TMEM30A: variants seen among roughly 807,000 people sequenced by gnomAD.
TMEM30A encodes the protein cell cycle control protein 50A.
In TMEM30A, 24 loss-of-function variants were observed where a neutral mutation model predicts 38.2. That is an observed-to-expected ratio of 0.63 (90% CI 0.46 to 0.88). The LOEUF is 0.88. TMEM30A is among the 40% of genes least tolerant of loss of function. TMEM30A has a pLI of 0.00. For synonymous variants in TMEM30A, 145 were observed against 161.6 expected (o/e 0.90, Z 0.78); for missense variants, 370 against 458.6 (o/e 0.81, Z 1.77).
chr6:75,265,671 C>A (rs1361671054), intron 2 of TMEM30A, among the ~76,000 whole-genome samples: 2 of 152,168 alleles, frequency 1.3e-5, no homozygotes, highest in Admixed American at 1.3e-4. Flanking sequence ...TCAAACTGGT[C>A]TTCACCCAGT....
intron 1 of TMEM30A, among the ~76,000 whole-genome samples, chr6:75,268,744 T>TGA (rs1772114025): frequency 1.3e-5 from 2 of 152,094 alleles, no homozygotes. Context: ...GGCGAGGTAG[T>TGA]GAGAATGGTC....
intron 1 of TMEM30A, among the ~76,000 whole-genome samples, chr6:75,269,647 G>C (rs1772133138): frequency 6.6e-6 from 1 of 152,148 alleles, no homozygotes; most frequent in Non-Finnish European, 1.5e-5. Context: ...CAACCCACTT[G>C]GCTAAATACA....
intron 1 of TMEM30A, among the ~76,000 whole-genome samples, chr6:75,275,554 T>A (rs373143212): frequency 1.3e-5 from 2 of 152,198 alleles, no homozygotes; most frequent in Admixed American, 1.3e-4. Flanking sequence ...TCCTTCCAGC[T>A]ACAAATCAAA....
chr6:75,267,380 T>A (rs1345925245), intron 2 of TMEM30A, among the ~76,000 whole-genome samples: 1 of 152,196 alleles, frequency 6.6e-6, no homozygotes, highest in Non-Finnish European at 1.5e-5. Flanking sequence ...GTCATAACAT[T>A]ATCTGTTGAA....
intron 1 of TMEM30A, among the ~76,000 whole-genome samples, chr6:75,275,560 T>C (rs240405): frequency 0.92 from 140,345 of 152,248 alleles, 64,839 homozygotes; most frequent in East Asian, 0.98. Context: ...CAGCTACAAA[T>C]CAAAATATCT....
intron 1 of TMEM30A, among the ~76,000 whole-genome samples, chr6:75,281,696 T>A (rs556670383): frequency 3.3e-5 from 5 of 152,284 alleles, no homozygotes; most frequent in African/African-American, 1.2e-4. Context: ...TTAAGCTATA[T>A]TAAAAAAGCA....
At chr6:75,284,174 G>A in intron 1 of TMEM30A, 1 of 597,508 alleles carries the variant, frequency 1.7e-6, no homozygotes, top group Non-Finnish European at 3.0e-6. Flanking sequence ...TCATTCCGTG[G>A]ATTTGCTCTT....
At chr6:75,276,489 T>C (rs1156471986) in intron 1 of TMEM30A, among the ~76,000 whole-genome samples, 2 of 152,194 alleles carry the variant, frequency 1.3e-5, no homozygotes, top group African/African-American at 4.8e-5. Context: ...AACGAAATTA[T>C]AGGACACCCA....
At chr6:75,258,719 A>C in intron 6 of TMEM30A, 61 bp downstream of exon 6, 2 of 1,446,354 alleles carry the variant, frequency 1.4e-6, no homozygotes, top group Non-Finnish European at 1.9e-6. Context: ...TAACAGATAT[A>C]AGGTTGGACT....
chr6:75,269,704 CT>C (rs796656364), intron 1 of TMEM30A, among the ~76,000 whole-genome samples: 4 of 149,116 alleles, frequency 2.7e-5, no homozygotes, highest in Admixed American at 1.3e-4. Flanking sequence ...TTTGCTTTTT[CT>C]TTTTTTTTTG....
chr6:75,255,923 G>A lies in TMEM30A; in HGVS notation c.*179C>T, dbSNP rs1277984665. ...CAATATAGCTAATTTTTTTATACCC[G>A]TCATATATTTTTAGAAGTCATCCGT... On this transcript the variant is annotated 3_prime_UTR_variant, in exon 7 of 7. Coordinates refer to ENST00000230461, the MANE Select transcript of TMEM30A (RefSeq NM_018247.4). 9.9e-6 allele frequency: 5 copies of A among 506,928 alleles called. No homozygotes were observed. The highest frequency in any genetic ancestry group is 3.1e-5 in the East Asian group (1 of 32,776). 31.4% of individuals were successfully genotyped at this position (506,928 alleles called of 1,614,324 possible).
chr6:75,284,697 T>G lies in TMEM30A; in HGVS notation c.-59A>C. The G allele has an allele frequency of 6.4e-7, 1 of 1,573,326 alleles. No individual in the cohort carries two copies. Among genetic ancestry groups the G allele is most frequent in the South Asian group, 1.1e-5 (1 of 90,452 alleles). On this transcript the variant is annotated 5_prime_UTR_variant, in exon 1 of 7. Coordinates refer to ENST00000230461, the MANE Select transcript of TMEM30A (RefSeq NM_018247.4). ...TGGACCACCCAGGGGGCCCGCCGGC[T>G]GACCCTGACAGGAACCGCTCGAGCG...
rs10545744 is a variant in TMEM30A, at chr6:75,283,307, ATGTGTG to A, written c.237+1089_237+1094del. Reference sequence around the variant, plus strand: ...TAAATCACAAAGTATATTTATTAAAATGTGTGTGTGTGTGTGTGTGTGTGTGTGTAT... The same window carrying A: ...TAAATCACAAAGTATATTTATTAAAATGTGTGTGTGTGTGTGTGTGTGTAT... On this transcript the variant is annotated intron_variant, in intron 1 of 6. Transcript: ENST00000230461. Among the ~76,000 whole-genome samples the A allele has an allele frequency of 2.0e-3, 303 of 148,506 alleles. 4 individuals are homozygous for A. Among genetic ancestry groups the A allele is most frequent in the Admixed American group, 0.014 (208 of 14,868 alleles).
chr6:75,268,202 C>T (rs1351903813), intron 1 of TMEM30A, among the ~76,000 whole-genome samples: 1 of 151,996 alleles, frequency 6.6e-6, no homozygotes, highest in East Asian at 1.9e-4. Context: ...TTTTCAACAC[C>T]TGGTGCTGAA....
At chr6:75,279,831 G>A (rs1043998756) in intron 1 of TMEM30A, among the ~76,000 whole-genome samples, 1 of 152,092 alleles carries the variant, frequency 6.6e-6, no homozygotes, top group African/African-American at 2.4e-5. Flanking sequence ...AAAACGACTG[G>A]AAAACTTCCA....
chr6:75,267,107 G>A (rs755840485), intron 2 of TMEM30A, among the ~76,000 whole-genome samples: 5 of 152,132 alleles, frequency 3.3e-5, no homozygotes, highest in Non-Finnish European at 5.9e-5. Flanking sequence ...ATGTCCGTTA[G>A]CATGTATTCA....
chr6:75,259,527 C>G, intron 4 of TMEM30A, 37 bp from the exon 5 acceptor site: 1 of 1,541,106 alleles, frequency 6.5e-7, no homozygotes, highest in Non-Finnish European at 8.7e-7. Context: ...CTAACTATCT[C>G]TTGAAAACTC....
At chr6:75,264,357 C>G (rs781011359) in intron 3 of TMEM30A, among the ~76,000 whole-genome samples, 1 of 152,168 alleles carries the variant, frequency 6.6e-6, no homozygotes, top group Non-Finnish European at 1.5e-5. Context: ...TACTTAGGGC[C>G]GGACACGGTG....
chr6:75,264,079 C>A (rs887081388), intron 3 of TMEM30A, among the ~76,000 whole-genome samples: 1 of 152,114 alleles, frequency 6.6e-6, no homozygotes, highest in Non-Finnish European at 1.5e-5. Flanking sequence ...CACATAGATT[C>A]AAAATATCAT....
Sources: gnomAD v4.1 joint callset for allele counts (sites outside exome capture counted in the v4.1 genomes callset) on GRCh38, gnomAD v4.1.1 for gene constraint, MANE v1.5 for transcripts, NCBI Gene and HGNC (gene_info 2026-07-23, HGNC 2026-07-21) for gene names.